The following CACNA2D3 variants were observed in gnomAD, a reference collection of about 807,000 sequenced individuals.
The protein encoded by CACNA2D3 is voltage-dependent calcium channel subunit alpha-2/delta-3.
A neutral mutation model predicts 160.6 loss-of-function variants in CACNA2D3; 60 were observed. The ratio of observed to expected loss-of-function variants is 0.37; its 90% CI spans 0.30 to 0.46. The LOEUF (loss-of-function observed/expected upper bound fraction) is 0.46. Among genes scored for constraint, CACNA2D3 ranks in the 20% least tolerant of loss-of-function variants. CACNA2D3 has a pLI of 1.00. For missense variants in CACNA2D3, 1,205 were observed against 1,365.0 expected (o/e 0.88, Z 1.85); for synonymous variants, 558 against 492.9 (o/e 1.13, Z -1.75).
chr3:54,401,315 G>C (rs1045208482), intron 4 of CACNA2D3, among the ~76,000 whole-genome samples: 1 of 152,190 alleles, frequency 6.6e-6, no homozygotes, highest in Non-Finnish European at 1.5e-5. Flanking sequence ...GAGGTAGGAA[G>C]AGGAAGCTTA....
At chr3:54,325,815 T>A (rs1243406646) in intron 3 of CACNA2D3, among the ~76,000 whole-genome samples, 1 of 152,220 alleles carries the variant, frequency 6.6e-6, no homozygotes, top group Non-Finnish European at 1.5e-5. Context: ...GTAAGATATT[T>A]AATAAATTTT....
At chr3:54,222,597 C>T (rs1375398986) in intron 2 of CACNA2D3, among the ~76,000 whole-genome samples, 2 of 152,168 alleles carry the variant, frequency 1.3e-5, no homozygotes, top group African/African-American at 2.4e-5. Context: ...TAAAACTAAA[C>T]ATCACAAAAT....
chr3:54,580,374 C>T (rs2106737313), intron 8 of CACNA2D3, among the ~76,000 whole-genome samples: 1 of 152,210 alleles, frequency 6.6e-6, no homozygotes, highest in South Asian at 2.1e-4. Flanking sequence ...CCTCTTCGAC[C>T]TGTCCCTGCG....
At chr3:54,575,578 C>G (rs761190168) in intron 8 of CACNA2D3, among the ~76,000 whole-genome samples, 7 of 152,160 alleles carry the variant, frequency 4.6e-5, no homozygotes, top group Non-Finnish European at 7.3e-5. Flanking sequence ...CTCTCAGAGA[C>G]TTAGGTTTTC....
At chr3:54,641,813 G>A (rs1049883032) in intron 10 of CACNA2D3, among the ~76,000 whole-genome samples, 1 of 152,186 alleles carries the variant, frequency 6.6e-6, no homozygotes, top group African/African-American at 2.4e-5. Flanking sequence ...AACCAGGTAT[G>A]TCTGACCCTT....
Position 54,559,361 on chromosome 3 carries a change from G to A in CACNA2D3, c.545-3439G>A, listed in dbSNP as rs537290709. 7.9e-5 allele frequency among the ~76,000 whole-genome samples: 12 copies of A among 152,104 alleles called. No individual in the cohort carries two copies. In the South Asian group the frequency reaches 1.2e-3, roughly 16 times the overall value. On this transcript the variant is annotated intron_variant, in intron 5 of 37. Coordinates refer to ENST00000474759, the MANE Select transcript of CACNA2D3 (RefSeq NM_018398.3). ...CACCCAGGCTGGAGTGCAGTGGCGC[G>A]ATCTCGGCTCAACCTCCGCCTCCCA...
chr3:54,570,203 A>G, intron 8 of CACNA2D3, 99 bp downstream of exon 8: 1 of 1,236,738 alleles, frequency 8.1e-7, no homozygotes, highest in South Asian at 1.4e-5. Flanking sequence ...CAGAGCATCT[A>G]GATGCCAGAA....
intron 11 of CACNA2D3, among the ~76,000 whole-genome samples, chr3:54,696,295 G>T (rs775789431): frequency 6.6e-6 from 1 of 152,190 alleles, no homozygotes; most frequent in Non-Finnish European, 1.5e-5. Flanking sequence ...GGGCTGGAAG[G>T]TCCCCCCATT....
chr3:54,873,326 A>G (rs753368475), intron 18 of CACNA2D3, among the ~76,000 whole-genome samples: 9 of 152,048 alleles, frequency 5.9e-5, no homozygotes, highest in African/African-American at 1.9e-4. Flanking sequence ...GTTGCTAGGA[A>G]TCTTTGGAGG....
At chr3:54,364,313 TTTATC>T (rs1559461503) in intron 3 of CACNA2D3, among the ~76,000 whole-genome samples, 1 of 152,228 alleles carries the variant, frequency 6.6e-6, no homozygotes, top group African/African-American at 2.4e-5. Flanking sequence ...GACATACGAT[TTTATC>T]TTTCTGAAAA....
At chr3:54,736,049 A>G (rs1340748290) in intron 11 of CACNA2D3, among the ~76,000 whole-genome samples, 6 of 39,612 alleles carry the variant, frequency 1.5e-4, no homozygotes, top group African/African-American at 5.3e-4. Flanking sequence ...ATATATACAC[A>G]TACATATGTA....
chr3:54,911,291 T>C (rs9849655), intron 27 of CACNA2D3, among the ~76,000 whole-genome samples: 95,305 of 143,260 alleles, frequency 0.67, 32,619 homozygotes, highest in East Asian at 0.82. Flanking sequence ...CTTTTTCTCT[T>C]CTTCCTCTTC....
chr3:54,144,209 C>T (rs1371311493), intron 2 of CACNA2D3, among the ~76,000 whole-genome samples: 1 of 152,218 alleles, frequency 6.6e-6, no homozygotes, highest in African/African-American at 2.4e-5. Context: ...TCATCATTTT[C>T]CGAAATGATT....
chr3:54,550,847 C>T (rs991978291), intron 5 of CACNA2D3, among the ~76,000 whole-genome samples: 1 of 152,150 alleles, frequency 6.6e-6, no homozygotes, highest in African/African-American at 2.4e-5. Context: ...GGCACAGCAC[C>T]TGCCTTCAGT....
At chr3:54,305,843 C>T (rs1177780643) in intron 2 of CACNA2D3, among the ~76,000 whole-genome samples, 1 of 152,234 alleles carries the variant, frequency 6.6e-6, no homozygotes, top group East Asian at 1.9e-4. Flanking sequence ...TGACAAGCCA[C>T]AGCAGTGCCT....
At chr3:54,270,598 A>G (rs1373786961) in intron 2 of CACNA2D3, among the ~76,000 whole-genome samples, 1 of 152,188 alleles carries the variant, frequency 6.6e-6, no homozygotes, top group African/African-American at 2.4e-5. Context: ...TTACAGTTCC[A>G]TAGGTTGGAA....
At chr3:54,603,073 G>A (rs766158244) in intron 9 of CACNA2D3, among the ~76,000 whole-genome samples, 7 of 152,190 alleles carry the variant, frequency 4.6e-5, no homozygotes, top group Non-Finnish European at 1.0e-4. Context: ...CAAATGTGTG[G>A]AAAGAAGAAA....
intron 9 of CACNA2D3, among the ~76,000 whole-genome samples, chr3:54,611,246 G>GA (rs1698743746): frequency 6.6e-6 from 1 of 152,216 alleles, no homozygotes; most frequent in Non-Finnish European, 1.5e-5. Flanking sequence ...TGTGTGTGGG[G>GA]ATGCATGGGG....
intron 3 of CACNA2D3, among the ~76,000 whole-genome samples, chr3:54,360,257 T>C (rs1359587267): frequency 6.6e-6 from 1 of 152,228 alleles, no homozygotes; most frequent in East Asian, 1.9e-4. Context: ...AGTTGGTGGA[T>C]TGATTTCGGT....
Sources: allele counts gnomAD v4.1 joint callset (sites outside exome capture counted in the v4.1 genomes callset), GRCh38; gene constraint gnomAD v4.1.1; transcripts MANE v1.5; gene names NCBI Gene and HGNC (gene_info 2026-07-23, HGNC 2026-07-21).